The following WDR62 variants were observed in gnomAD, a reference collection of about 807,000 sequenced individuals.
The protein encoded by WDR62 is WD repeat-containing protein 62.
Under a neutral mutation model 160.6 loss-of-function variants are expected in WDR62, and 112 were observed. That is an observed-to-expected ratio of 0.70 (90% confidence interval 0.60 to 0.82). The LOEUF (loss-of-function observed/expected upper bound fraction) is 0.82, where lower values mean the gene tolerates loss of function less well. WDR62 is among the 40% of genes least tolerant of loss of function. The pLI, the probability that WDR62 is intolerant of heterozygous loss-of-function variation, is 0.00. For synonymous variants in WDR62, 792 were observed against 815.1 expected, an observed-to-expected ratio of 0.97 and a Z score of 0.48; for missense variants, 1,819 against 1,983.8, an observed-to-expected ratio of 0.92 and a Z score of 1.58.
At chr19:36,069,764 G>A (rs1257567417) in intron 7 of WDR62, among the ~76,000 whole-genome samples, 4 of 152,256 alleles carry the variant, frequency 2.6e-5, no homozygotes, top group Non-Finnish European at 4.4e-5. Context: ...CGAGGCTGGC[G>A]GACCACTCGC....
In WDR62 at chr19:36,103,707, C is replaced by G. The variant is rs149342521; in HGVS notation, c.3879C>G (p.Ala1293=). The G allele has an allele frequency of 2.7e-5, 43 of 1,610,678 alleles. No homozygotes were observed. The highest frequency in any genetic ancestry group is 3.1e-5 in the Non-Finnish European group (36 of 1,180,010). The stretch of plus-strand genomic sequence containing the variant: ...TGCGTTCCTGGGGCAACCACGAGGC[C>G]CGGGCCAACCTGAGACTGACCCTGT... ...PALRSWGNHE[A]RANLRLTLSS... Residue 1293 remains alanine (A), a synonymous_variant, in exon 30 of 32, where the codon GCC becomes GCG. Transcript: ENST00000401500.
intron 9 of WDR62, among the ~76,000 whole-genome samples, chr19:36,078,722 G>A (rs1284596151): frequency 6.6e-6 from 1 of 151,276 alleles, no homozygotes; most frequent in East Asian, 2.0e-4. Flanking sequence ...TGTAATCCCA[G>A]CTACTTGGGG....
intron 9 of WDR62, among the ~76,000 whole-genome samples, chr19:36,076,626 G>C (rs1971584767): frequency 6.6e-6 from 1 of 151,652 alleles, no homozygotes; most frequent in South Asian, 2.1e-4. Flanking sequence ...TGGGACTTCA[G>C]AATCACAGGT....
chr19:36,064,769 G>A (rs1019269324), intron 3 of WDR62, among the ~76,000 whole-genome samples: 1 of 151,400 alleles, frequency 6.6e-6, no homozygotes, highest in Non-Finnish European at 1.5e-5. Flanking sequence ...GTAGAGGTGG[G>A]GTTTTGTCGT....
At chr19:36,093,051 TG>T (rs746914294) in intron 19 of WDR62, among the ~76,000 whole-genome samples, 44 of 152,336 alleles carry the variant, frequency 2.9e-4, no homozygotes, top group Non-Finnish European at 5.7e-4. Context: ...TGCCCAGGCT[TG>T]TCTTGAACTC....
In WDR62 at chr19:36,105,058, G is replaced by A. The variant is rs976788108; in HGVS notation, c.*30G>A. 4.4e-6 allele frequency: 7 copies of A among 1,586,092 alleles called. No individual in the cohort carries two copies. The highest frequency in any genetic ancestry group is 6.0e-6 in the Non-Finnish European group (7 of 1,173,086). The stretch of plus-strand genomic sequence containing the variant: ...GCAGCCCCTCCACCGCAGCCCTGCT[G>A]CTTCTGAGGACTTAGGTATTTTAAG... On this transcript the variant is annotated 3_prime_UTR_variant, in exon 32 of 32. Transcript: ENST00000401500.
At chr19:36,107,003 C>G (rs528979750), downstream of WDR62, among the ~76,000 whole-genome samples, 1 of 152,142 alleles carries the variant, frequency 6.6e-6, no homozygotes, top group Non-Finnish European at 1.5e-5. Flanking sequence ...TTCAGCCCCC[C>G]AGGCCTCGGA....
At chr19:36,073,679 CAA>C in intron 9 of WDR62, 148 bp downstream of exon 9, 1 of 735,020 alleles carries the variant, frequency 1.4e-6, no homozygotes, top group South Asian at 1.5e-5. Flanking sequence ...GACACAGACA[CAA>C]AATCCCTGCC....
chr19:36,084,858 T>G, intron 12 of WDR62, 114 bp downstream of exon 12: 1 of 998,642 alleles, frequency 1.0e-6, no homozygotes, highest in South Asian at 1.3e-5. Context: ...GCTGGGAGTT[T>G]TGTGTTCGGT....
downstream of WDR62, among the ~76,000 whole-genome samples, chr19:36,105,790 C>T (rs1973698780): frequency 6.6e-6 from 1 of 152,090 alleles, no homozygotes; most frequent in Admixed American, 6.5e-5. Context: ...CCTCCGCCTC[C>T]CGGGTTCAAG....
At chr19:36,070,038 G>A (rs1208596225) in intron 7 of WDR62, among the ~76,000 whole-genome samples, 1 of 142,138 alleles carries the variant, frequency 7.0e-6, no homozygotes, top group Non-Finnish European at 1.5e-5. Context: ...AGACCGTGGG[G>A]AGAAGGAGAG....
chr19:36,088,714 G>A (rs2051800), intron 13 of WDR62, among the ~76,000 whole-genome samples: 92,047 of 152,156 alleles, frequency 0.6, 28,189 homozygotes, highest in African/African-American at 0.69. Context: ...GGTCGCTGCT[G>A]CAGTCCTGCC....
intron 17 of WDR62, 29 bp downstream of exon 17, chr19:36,091,340 T>TGCCCCCCCCC: frequency 3.2e-6 from 5 of 1,579,116 alleles, no homozygotes; most frequent in South Asian, 1.1e-5. Context: ...TTGGGATGCC[T>TGCCCCCCCCC]CCCCACCCGC....
At position 36,066,539 on chromosome 19, in the gene WDR62, C is replaced by T; in HGVS notation, c.561+112C>T. 4 of 1,199,890 alleles carry T rather than the reference C, an allele frequency of 3.3e-6. No individual in the cohort carries two copies. In the Admixed American group the frequency reaches 6.0e-5, roughly 18 times the overall value. 74.3% of individuals were successfully genotyped at this position (1,199,890 alleles called of 1,614,324 possible). On this transcript the variant is annotated intron_variant, in intron 5 of 31. Coordinates refer to ENST00000401500, the MANE Select transcript of WDR62 (RefSeq NM_001083961.2). Reference sequence around the variant, plus strand: ...CGCAGTAAAGTGCTCACTCACCCAACAGATAACAGCTATTGAGCACCTGTG... The same window carrying T: ...CGCAGTAAAGTGCTCACTCACCCAATAGATAACAGCTATTGAGCACCTGTG...
At chr19:36,063,927 G>A (rs1356912620) in intron 3 of WDR62, among the ~76,000 whole-genome samples, 1 of 152,350 alleles carries the variant, frequency 6.6e-6, no homozygotes, top group South Asian at 2.1e-4. Flanking sequence ...GAAATCTAAT[G>A]TACAGCCAGG....
At chr19:36,073,255 C>T (rs1442313530) in intron 8 of WDR62, 87 bp from the exon 9 acceptor site, 4 of 1,288,536 alleles carry the variant, frequency 3.1e-6, no homozygotes, top group Non-Finnish European at 4.5e-6. Context: ...GATGGCATTG[C>T]CGGGGAGGCA....
At chr19:36,101,957 C>T (rs1973372973) in intron 25 of WDR62, 57 bp from the exon 26 acceptor site, 32 of 1,611,732 alleles carry the variant, frequency 2.0e-5, no homozygotes, top group Non-Finnish European at 2.5e-5. Flanking sequence ...TTTCAGGTGG[C>T]GTCTGCTGTG....
In WDR62 at chr19:36,101,762, C is replaced by T. The variant is rs1441016710; in HGVS notation, c.3070C>T (p.Pro1024Ser). The change falls in exon 25 of 32, where the codon CCC (proline) becomes TCC (serine). Residue 1024 changes from proline to serine, a missense_variant. By Grantham distance (74) the Pro-to-Ser change is moderately conservative. Coordinates refer to ENST00000401500, the MANE Select transcript of WDR62 (RefSeq NM_001083961.2). ...DPAPRFATSL[P>S]HFPGCAGPTE... ...TGCCCCTCGGTTTGCCACGTCGCTG[C>T]CCCATTTCCCAGGTAAGCAGGGGCC... 3.9e-6 allele frequency: 6 copies of T among 1,551,934 alleles called. No individual in the cohort carries two copies. Among genetic ancestry groups the T allele is most frequent in the Non-Finnish European group, 5.2e-6 (6 of 1,147,234 alleles).
chr19:36,093,154 G>A (rs1972738654), intron 19 of WDR62, among the ~76,000 whole-genome samples: 2 of 152,162 alleles, frequency 1.3e-5, no homozygotes, highest in African/African-American at 2.4e-5. Context: ...GGGTATTAAA[G>A]TGGAAAAGCA....
Sources: gnomAD v4.1 joint callset for allele counts (sites outside exome capture counted in the v4.1 genomes callset) on GRCh38, gnomAD v4.1.1 for gene constraint, MANE v1.5 for transcripts, NCBI Gene and HGNC (gene_info 2026-07-23, HGNC 2026-07-21) for gene names.